Variants in VPS35L observed in about 807,000 individuals in gnomAD.
VPS35L encodes VPS35 endosomal protein-sorting factor-like.
VPS35L carries 83 observed loss-of-function variants against 133.0 expected under a neutral mutation model. That is an observed-to-expected ratio of 0.62 (90% CI 0.52 to 0.75). The LOEUF (loss-of-function observed/expected upper bound fraction) is 0.75, where lower values mean the gene tolerates loss of function less well. Among genes scored for constraint, VPS35L ranks in the 30% least tolerant of loss-of-function variants. VPS35L has a pLI of 0.00. For missense variants in VPS35L, 1,083 were observed against 1,206.8 expected, an observed-to-expected ratio of 0.90 and a Z score of 1.52; for synonymous variants, 423 against 449.9, an observed-to-expected ratio of 0.94 and a Z score of 0.76.
In VPS35L at chr16:19,700,380, G is replaced by A. The variant is rs1976083761; in HGVS notation, c.2796G>A (p.Val932=). Residue 932 remains valine, a splice_region_variant and synonymous_variant, in exon 31 of 31, where the codon GTG becomes GTA. Transcript: ENST00000417362. The part of the protein sequence containing the change: ...RHGCADTRTM[V]KTLEYIKKQS... ...TGGATCTTTCTTTTTCCTCATAGGT[G>A]AAAACGCTAGAATACATCAAGAAGC... 1 of 1,613,574 alleles carries A rather than the reference G, an allele frequency of 6.2e-7. No individual in the cohort carries two copies. Among genetic ancestry groups the A allele is most frequent in the East Asian group, 2.2e-5 (1 of 44,864 alleles).
chr16:19,598,893 G>T (rs1358436912), intron 8 of VPS35L, among the ~76,000 whole-genome samples: 1 of 152,146 alleles, frequency 6.6e-6, no homozygotes, highest in Non-Finnish European at 1.5e-5. Context: ...GGTGTTTTGT[G>T]CTGGGTTCAT....
chr16:19,681,586 T>C (rs530406676), intron 27 of VPS35L, among the ~76,000 whole-genome samples: 1 of 152,360 alleles, frequency 6.6e-6, no homozygotes, highest in East Asian at 1.9e-4. Context: ...GGAATGGAAT[T>C]GAAGCTGCTT....
intron 26 of VPS35L, among the ~76,000 whole-genome samples, chr16:19,666,927 T>TCTTTATTTCTTTCTTTCTTTCTTC (rs1974699113): frequency 1.9e-4 from 12 of 62,992 alleles, no homozygotes; most frequent in Non-Finnish European, 2.7e-4. Flanking sequence ...TTTCTTTCTT[T>TCTTTATTTCTTTCTTTCTTTCTTC]CTTTCTTCCT....
intron 2 of VPS35L, among the ~76,000 whole-genome samples, chr16:19,565,338 C>T (rs1045662323): frequency 1.0e-4 from 15 of 150,584 alleles, no homozygotes; most frequent in Non-Finnish European, 1.9e-4. Flanking sequence ...TGTGGGCCAC[C>T]GTGCCCAGCC....
At chr16:19,597,808 G>C (rs1261311434) in intron 8 of VPS35L, among the ~76,000 whole-genome samples, 1 of 152,178 alleles carries the variant, frequency 6.6e-6, no homozygotes, top group African/African-American at 2.4e-5. Flanking sequence ...TAAAAAAGGA[G>C]TGAAACCCTG....
At chr16:19,598,098 C>T (rs1333616565) in intron 8 of VPS35L, among the ~76,000 whole-genome samples, 1 of 152,088 alleles carries the variant, frequency 6.6e-6, no homozygotes, top group Non-Finnish European at 1.5e-5. Context: ...TCAGTGCCTG[C>T]GTCTCCTGTT....
At chr16:19,612,174 T>C (rs970618103) in intron 12 of VPS35L, among the ~76,000 whole-genome samples, 1 of 152,112 alleles carries the variant, frequency 6.6e-6, no homozygotes, top group East Asian at 1.9e-4. Flanking sequence ...CTTGACCTCA[T>C]GATCCGCCTG....
intron 12 of VPS35L, among the ~76,000 whole-genome samples, chr16:19,611,138 T>C (rs964825776): frequency 6.6e-6 from 1 of 152,152 alleles, no homozygotes; most frequent in Non-Finnish European, 1.5e-5. Context: ...TAGCTGAGAT[T>C]ACAGGTGTCC....
chr16:19,575,025 A>G, intron 4 of VPS35L, 73 bp from the exon 5 acceptor site: 1 of 1,279,898 alleles, frequency 7.8e-7, no homozygotes, highest in Non-Finnish European at 1.1e-6. Context: ...GGGTATGTAA[A>G]TGGCTCTGTT....
intron 26 of VPS35L, among the ~76,000 whole-genome samples, chr16:19,664,361 G>A (rs1450354812): frequency 6.6e-6 from 1 of 151,962 alleles, no homozygotes; most frequent in Non-Finnish European, 1.5e-5. Flanking sequence ...TCTCTGCCCA[G>A]CAGAGAGCAG....
At chr16:19,686,139 C>T (rs149629391) in intron 28 of VPS35L, among the ~76,000 whole-genome samples, 1 of 152,118 alleles carries the variant, frequency 6.6e-6, no homozygotes, top group African/African-American at 2.4e-5. Flanking sequence ...GTGACCTGCC[C>T]GGCGTCTTGG....
chr16:19,616,064 CATACT>C (rs1269065326), intron 12 of VPS35L, 45 bp from the exon 13 acceptor site: 1 of 1,405,250 alleles, frequency 7.1e-7, no homozygotes, highest in Non-Finnish European at 9.9e-7. Flanking sequence ...AAAATAAAAT[CATACT>C]ATAGTCATTA....
chr16:19,651,602 C>T (rs1974123838), intron 25 of VPS35L, among the ~76,000 whole-genome samples: 1 of 152,190 alleles, frequency 6.6e-6, no homozygotes, highest in African/African-American at 2.4e-5. Flanking sequence ...TGGCTCTGCC[C>T]TTTGTCACCT....
At chr16:19,590,150 C>G (rs967093656) in intron 7 of VPS35L, among the ~76,000 whole-genome samples, 5,073 of 110,846 alleles carry the variant, frequency 0.046, 545 homozygotes, top group African/African-American at 0.15. Flanking sequence ...CCCCCCCCCC[C>G]CCCCCCACAA....
chr16:19,674,927 G>A (rs763317096), intron 27 of VPS35L, among the ~76,000 whole-genome samples: 12 of 151,376 alleles, frequency 7.9e-5, no homozygotes, highest in Admixed American at 3.3e-4. Context: ...CATTGTGCAT[G>A]TGTATAATGT....
Position 19,699,476 on chromosome 16 carries a change from G to T in VPS35L, c.2647-26G>T. 2.5e-6 allele frequency: 4 copies of T among 1,613,368 alleles called. No homozygotes were observed. The highest frequency in any genetic ancestry group is 3.4e-6 in the Non-Finnish European group (4 of 1,179,556). The stretch of plus-strand genomic sequence containing the variant: ...GGCACGGCCTGAGCCCCAGTGCAAG[G>T]CAGTAACCTCCCTTTTCTGTTTCAG... On this transcript the variant is annotated intron_variant, in intron 29 of 30. Coordinates refer to ENST00000417362, the MANE Select transcript of VPS35L (RefSeq NM_020314.7). This position sits in a 1 kb window ranked among gnomAD's most constrained non-coding sequence, Gnocchi z 4.2.
intron 2 of VPS35L, among the ~76,000 whole-genome samples, 176 bp downstream of exon 2, chr16:19,565,126 A>G (rs1403632065): frequency 6.8e-6 from 1 of 147,616 alleles, no homozygotes; most frequent in Admixed American, 6.7e-5. Context: ...GCTCACTGCA[A>G]CCTCTGACCT....
chr16:19,581,585 C>T lies in VPS35L; in HGVS notation c.571C>T (p.Leu191Phe), dbSNP rs765037634. The T allele has an allele frequency of 1.2e-6, 2 of 1,614,024 alleles. No homozygotes were observed. Among genetic ancestry groups the T allele is most frequent in the Non-Finnish European group, 1.7e-6 (2 of 1,179,982 alleles). Reference sequence around the variant, plus strand: ...GGATTACGTGAACCGCATAGAGGAGCTCAACCAATCGCTGAAGGATGCCTG... The same window carrying T: ...GGATTACGTGAACCGCATAGAGGAGTTCAACCAATCGCTGAAGGATGCCTG... ...QQDYVNRIEELNQSLKDAWAS... is the reference protein window; with the variant it reads ...QQDYVNRIEEFNQSLKDAWAS... Residue 191 changes from leucine to phenylalanine, a missense_variant, in exon 7 of 31, where the codon CTC (leucine) becomes TTC (phenylalanine). Coordinates refer to ENST00000417362, the MANE Select transcript of VPS35L (RefSeq NM_020314.7).
At chr16:19,663,643 T>G (rs1974561965) in intron 26 of VPS35L, among the ~76,000 whole-genome samples, 1 of 149,466 alleles carries the variant, frequency 6.7e-6, no homozygotes, top group African/African-American at 2.5e-5. Flanking sequence ...CTATATTACT[T>G]GCTTGGTGCA....
Sources: allele counts gnomAD v4.1 joint callset (sites outside exome capture counted in the v4.1 genomes callset), GRCh38; gene constraint gnomAD v4.1.1; non-coding constraint Gnocchi (gnomAD v3.1); transcripts MANE v1.5; gene names NCBI Gene and HGNC (gene_info 2026-07-23, HGNC 2026-07-21).